The following CMC1 variants were observed in gnomAD, a reference collection of about 807,000 sequenced individuals.
CMC1 encodes the protein COX assembly mitochondrial protein homolog.
Under a neutral mutation model 14.1 loss-of-function variants are expected in CMC1, and 14 were observed. That is an observed-to-expected ratio of 0.99 (90% CI 0.66 to 1.55). The LOEUF (loss-of-function observed/expected upper bound fraction) is 1.55, where lower values mean the gene tolerates loss of function less well. Ranked by LOEUF, CMC1 falls within the 40% of genes most tolerant of loss-of-function variation. CMC1 has a pLI of 0.00. For synonymous variants in CMC1, 50 were observed against 38.4 expected (o/e 1.30, Z -1.12); for missense variants, 127 against 123.8 (o/e 1.03, Z -0.12).
intron 2 of CMC1, among the ~76,000 whole-genome samples, chr3:28,296,325 CTTTAGT>C (rs924843032): frequency 6.6e-6 from 1 of 151,984 alleles, no homozygotes; most frequent in African/African-American, 2.4e-5. Context: ...AAATATGATT[CTTTAGT>C]TTTAAAGTTT....
intron 2 of CMC1, among the ~76,000 whole-genome samples, chr3:28,275,174 C>G (rs779293985): frequency 1.2e-4 from 18 of 152,016 alleles, no homozygotes; most frequent in Non-Finnish European, 2.4e-4. Flanking sequence ...AAGAGGCACT[C>G]TGGGTTTTTG....
chr3:28,294,949 G>T (rs1452164504), intron 2 of CMC1, among the ~76,000 whole-genome samples: 1 of 151,794 alleles, frequency 6.6e-6, no homozygotes, highest in Non-Finnish European at 1.5e-5. Context: ...AAGTTACAGA[G>T]ATGCTTAGTT....
At chr3:28,253,941 T>A (rs1699263852) in intron 1 of CMC1, among the ~76,000 whole-genome samples, 1 of 152,254 alleles carries the variant, frequency 6.6e-6, no homozygotes, top group African/African-American at 2.4e-5. Context: ...CTTTGTGGAT[T>A]CATAGCAAGT....
intron 2 of CMC1, among the ~76,000 whole-genome samples, chr3:28,277,115 A>G (rs1364004388): frequency 3.3e-5 from 5 of 152,202 alleles, no homozygotes; most frequent in Non-Finnish European, 7.3e-5. Context: ...TAAATTCTAA[A>G]TCCTATAAAT....
chr3:28,286,753 A>G (rs1272051802), intron 2 of CMC1, among the ~76,000 whole-genome samples: 1 of 152,208 alleles, frequency 6.6e-6, no homozygotes, highest in African/African-American at 2.4e-5. Flanking sequence ...ACTGAAGTGT[A>G]TATTATGAAG....
Position 28,263,276 on chromosome 3 carries a change from TC to T in CMC1, c.20-14del, listed in dbSNP as rs763117289. The T allele has an allele frequency of 1.9e-6, 3 of 1,548,672 alleles. No individual in the cohort carries two copies. The highest frequency in any genetic ancestry group is 1.2e-5 in the South Asian group (1 of 84,824). On this transcript the variant is annotated splice_polypyrimidine_tract_variant and intron_variant, in intron 1 of 3. Transcript: ENST00000466830. The stretch of plus-strand genomic sequence containing the variant: ...TGCTTGAGACTTTATTAAAGAAAGA[TC>T]TTTTTTTTTTCAGACCAGCATCTCA...
chr3:28,274,673 G>A (rs1700484447), intron 2 of CMC1, among the ~76,000 whole-genome samples: 1 of 151,980 alleles, frequency 6.6e-6, no homozygotes, highest in Non-Finnish European at 1.5e-5. Flanking sequence ...GCTAGGTTGG[G>A]GAAGTTCTCC....
chr3:28,317,642 A>T (rs1214334110), intron 3 of CMC1: 1 of 152,016 alleles, frequency 6.6e-6, no homozygotes, highest in Non-Finnish European at 1.5e-5. Context: ...GCTCTAGAGC[A>T]GAGTAGACAG....
At chr3:28,290,430 A>C (rs1701411803) in intron 2 of CMC1, among the ~76,000 whole-genome samples, 1 of 152,158 alleles carries the variant, frequency 6.6e-6, no homozygotes. Context: ...GTAGATACAC[A>C]TTGCATCAGT....
At chr3:28,294,141 G>T (rs1239239173) in intron 2 of CMC1, among the ~76,000 whole-genome samples, 1 of 152,090 alleles carries the variant, frequency 6.6e-6, no homozygotes, top group East Asian at 1.9e-4. Flanking sequence ...AGGATCATCT[G>T]TTCTACTATA....
chr3:28,270,824 C>T (rs1002541172), intron 2 of CMC1, among the ~76,000 whole-genome samples: 3 of 151,914 alleles, frequency 2.0e-5, no homozygotes, highest in African/African-American at 4.8e-5. Context: ...GAAATTCTTG[C>T]CCGTGCCTAT....
At position 28,319,694 on chromosome 3, in the gene CMC1, A is replaced by G; in HGVS notation, c.*65A>G. On this transcript the variant is annotated 3_prime_UTR_variant, in exon 4 of 4. Coordinates refer to ENST00000466830, the MANE Select transcript of CMC1 (RefSeq NM_182523.2). Reference sequence around the variant, plus strand: ...GGAAGTCATTTTATAGTCCTTAAATAATGGACTCAAGCATATATGTTTGCT... The same window carrying G: ...GGAAGTCATTTTATAGTCCTTAAATGATGGACTCAAGCATATATGTTTGCT... The G allele has an allele frequency of 7.7e-7, 1 of 1,296,054 alleles. No homozygotes were observed. Among genetic ancestry groups the G allele is most frequent in the Non-Finnish European group, 1.1e-6 (1 of 933,236 alleles). 80.3% of individuals were successfully genotyped at this position (1,296,054 alleles called of 1,614,324 possible).
At chr3:28,264,994 A>G (rs68097246) in intron 2 of CMC1, among the ~76,000 whole-genome samples, 32,968 of 152,064 alleles carry the variant, frequency 0.22, 3,727 homozygotes, top group Middle Eastern at 0.27. Flanking sequence ...GTAGAGTATA[A>G]CTTTAAAATA....
intron 2 of CMC1, among the ~76,000 whole-genome samples, chr3:28,296,077 CACAT>C (rs1701725850): frequency 1.3e-5 from 2 of 152,100 alleles, no homozygotes; most frequent in Non-Finnish European, 2.9e-5. Flanking sequence ...ACCCTGAGTA[CACAT>C]ACATATGAAC....
At chr3:28,271,491 T>C (rs1700286135) in intron 2 of CMC1, among the ~76,000 whole-genome samples, 1 of 152,240 alleles carries the variant, frequency 6.6e-6, no homozygotes, top group Non-Finnish European at 1.5e-5. Context: ...TTGTCAGGTT[T>C]GTCGAAGATC....
At chr3:28,287,081 C>T (rs954174598) in intron 2 of CMC1, among the ~76,000 whole-genome samples, 1 of 152,096 alleles carries the variant, frequency 6.6e-6, no homozygotes, top group African/African-American at 2.4e-5. Flanking sequence ...GTGACCAATT[C>T]TCGGATTCTT....
At chr3:28,307,948 T>C (rs1702416955) in intron 2 of CMC1, among the ~76,000 whole-genome samples, 1 of 152,168 alleles carries the variant, frequency 6.6e-6, no homozygotes, top group Admixed American at 6.5e-5. Context: ...TTCTCTTTTT[T>C]CCATCTTTAA....
intron 2 of CMC1, among the ~76,000 whole-genome samples, chr3:28,278,608 C>T (rs1008449001): frequency 3.3e-5 from 5 of 152,166 alleles, no homozygotes; most frequent in Non-Finnish European, 7.4e-5. Context: ...CAGAAGAAAC[C>T]ATAACTACAC....
intron 2 of CMC1, among the ~76,000 whole-genome samples, chr3:28,309,165 G>C (rs947966731): frequency 6.6e-6 from 1 of 151,994 alleles, no homozygotes. Flanking sequence ...CTCAGTGGTT[G>C]TCCAGGGCCT....
Sources: allele counts gnomAD v4.1 joint callset (sites outside exome capture counted in the v4.1 genomes callset), GRCh38; gene constraint gnomAD v4.1.1; transcripts MANE v1.5; gene names NCBI Gene and HGNC (gene_info 2026-07-23, HGNC 2026-07-21).